Variants in KDM7A observed in about 807,000 individuals in gnomAD.
KDM7A encodes the protein lysine-specific demethylase 7A.
A neutral mutation model predicts 114.8 loss-of-function variants in KDM7A; 28 were observed. That is an observed-to-expected ratio of 0.24 (90% CI 0.18 to 0.33). The LOEUF (loss-of-function observed/expected upper bound fraction) is 0.33. Ranked by LOEUF, KDM7A falls within the 10% of genes least tolerant of loss-of-function variation. The pLI is 1.00. For synonymous variants in KDM7A, 423 were observed against 397.8 expected (o/e 1.06, Z -0.75); for missense variants, 942 against 1,142.5 (o/e 0.82, Z 2.53).
At position 140,095,144 on chromosome 7, in the gene KDM7A, A is replaced by G. The variant is rs564844603; in HGVS notation, c.2375-1006T>C. Reference sequence around the variant, plus strand: ...ATTACTGGCGTGAACCACTGCGCCCAGTGATCTAGAATCAAATTCCATGGC... The same window carrying G: ...ATTACTGGCGTGAACCACTGCGCCCGGTGATCTAGAATCAAATTCCATGGC... On this transcript the variant is annotated intron_variant, in intron 17 of 19. Coordinates refer to ENST00000397560, the MANE Select transcript of KDM7A (RefSeq NM_030647.2). Among the ~76,000 whole-genome samples, 7 of 152,324 alleles carry G rather than the reference A, an allele frequency of 4.6e-5. No individual in the cohort carries two copies. In the South Asian group the frequency reaches 1.4e-3, roughly 32 times the overall value.
chr7:140,103,475 C>T (rs967071851), intron 11 of KDM7A, among the ~76,000 whole-genome samples: 7 of 151,028 alleles, frequency 4.6e-5, no homozygotes, highest in Admixed American at 2.7e-4. Flanking sequence ...CTCCAACCCA[C>T]GACAGGTCCC....
intron 9 of KDM7A, among the ~76,000 whole-genome samples, chr7:140,115,025 G>A (rs940397973): frequency 2.6e-5 from 4 of 151,072 alleles, no homozygotes; most frequent in Non-Finnish European, 4.4e-5. Flanking sequence ...CAGCCGCCCC[G>A]TCCAGGAGGT....
chr7:140,134,303 T>C (rs1818835085), intron 2 of KDM7A, among the ~76,000 whole-genome samples: 1 of 152,222 alleles, frequency 6.6e-6, no homozygotes, highest in East Asian at 1.9e-4. Flanking sequence ...GATTTGGATT[T>C]GATTCCTAGT....
chr7:140,175,293 G>C (rs1455141804), intron 1 of KDM7A, among the ~76,000 whole-genome samples: 1 of 152,154 alleles, frequency 6.6e-6, no homozygotes, highest in African/African-American at 2.4e-5. Flanking sequence ...GATTTACATG[G>C]TTTTCTCTCC....
intron 1 of KDM7A, among the ~76,000 whole-genome samples, chr7:140,169,607 C>T (rs1037409566): frequency 9.9e-5 from 15 of 152,108 alleles, no homozygotes; most frequent in Non-Finnish European, 1.9e-4. Context: ...CTCACTGCAA[C>T]CTCCGCCTCC....
intron 7 of KDM7A, among the ~76,000 whole-genome samples, chr7:140,122,673 C>T (rs1044990442): frequency 1.3e-5 from 2 of 152,222 alleles, no homozygotes; most frequent in Non-Finnish European, 2.9e-5. Flanking sequence ...ACAGTCTATA[C>T]TCTACATTCA....
At chr7:140,157,424 G>A (rs1156681282) in intron 1 of KDM7A, among the ~76,000 whole-genome samples, 1 of 152,220 alleles carries the variant, frequency 6.6e-6, no homozygotes, top group Non-Finnish European at 1.5e-5. Context: ...AGGCCGAGGT[G>A]GGAGGGTCGC....
At chr7:140,156,035 G>A (rs529672511) in intron 1 of KDM7A, among the ~76,000 whole-genome samples, 15 of 152,146 alleles carry the variant, frequency 9.9e-5, no homozygotes, top group South Asian at 4.1e-4. Flanking sequence ...TTAACACTTC[G>A]TTGCAACAGT....
In KDM7A at chr7:140,092,243, A is replaced by G. The variant is rs148484662; in HGVS notation, c.2458-166T>C. ...GACCACTCCTGCATGATGTCGTCTC[A>G]GTAGCTCTGAAGGACTCGGGTCTTT... On this transcript the variant is annotated intron_variant, in intron 18 of 19. Coordinates refer to ENST00000397560, the MANE Select transcript of KDM7A (RefSeq NM_030647.2). 7.0e-3 allele frequency: 4,544 copies of G among 644,786 alleles called. 20 individuals carry two copies. The highest frequency in any genetic ancestry group is 0.01 in the Non-Finnish European group (3,765 of 376,372). The allele number at this position is 644,786 out of a possible 1,614,324, so 39.9% of individuals were successfully genotyped here.
At chr7:140,122,923 TA>T (rs1448647645) in intron 7 of KDM7A, among the ~76,000 whole-genome samples, 28 of 152,214 alleles carry the variant, frequency 1.8e-4, no homozygotes, top group Non-Finnish European at 7.3e-5. Flanking sequence ...AGTGAGCAGA[TA>T]ACCCACAAAA....
Position 140,176,837 on chromosome 7 carries a change from G to A in KDM7A, c.101C>T (p.Pro34Leu). The A allele has an allele frequency of 1.5e-6, 2 of 1,334,360 alleles. No individual in the cohort carries two copies. Among genetic ancestry groups the A allele is most frequent in the Non-Finnish European group, 2.0e-6 (2 of 1,022,508 alleles). The allele number at this position is 1,334,360 out of a possible 1,614,324, so 82.7% of individuals were successfully genotyped here. A position where few individuals can be genotyped will look rare whatever the true frequency, so the allele number is the denominator to read the frequency against. ...AAPGRASAPP[P>L]PPPVYCVCRQ... is the part of the protein sequence containing the mutation. ...GCACACACAGTACACGGGCGGGGGC[G>A]GCGGAGGCGCCGAGGCCCGGCCGGG... is the stretch of plus-strand genomic sequence containing the variant. The change falls in exon 1 of 20, where the codon CCG becomes CTG. Residue 34 changes from proline to leucine, a missense_variant. Coordinates refer to ENST00000397560, the MANE Select transcript of KDM7A (RefSeq NM_030647.2). This position sits in a 1 kb window ranked among gnomAD's most constrained non-coding sequence, Gnocchi z 4.4.
intron 1 of KDM7A, among the ~76,000 whole-genome samples, chr7:140,148,995 T>C (rs993431307): frequency 4.6e-5 from 7 of 152,060 alleles, no homozygotes; most frequent in African/African-American, 1.7e-4. Flanking sequence ...TCTCTTAAGG[T>C]TCACTTATGG....
At chr7:140,107,892 G>A (rs1046120991) in intron 11 of KDM7A, among the ~76,000 whole-genome samples, 10 of 152,132 alleles carry the variant, frequency 6.6e-5, no homozygotes, top group African/African-American at 1.4e-4. Flanking sequence ...CATTCTCCCC[G>A]TCACTTTCAG....
At chr7:140,130,174 T>C (rs1199958824) in intron 3 of KDM7A, among the ~76,000 whole-genome samples, 1 of 152,210 alleles carries the variant, frequency 6.6e-6, no homozygotes, top group African/African-American at 2.4e-5. Flanking sequence ...TTTTAGTATG[T>C]AAACTACACT....
At chr7:140,122,431 G>A (rs534903038) in intron 7 of KDM7A, among the ~76,000 whole-genome samples, 3 of 151,732 alleles carry the variant, frequency 2.0e-5, no homozygotes, top group Non-Finnish European at 4.4e-5. Flanking sequence ...GAAGATTTAA[G>A]GGAGGGGCAT....
At chr7:140,157,846 G>A (rs1562959725) in intron 1 of KDM7A, among the ~76,000 whole-genome samples, 1 of 151,618 alleles carries the variant, frequency 6.6e-6, no homozygotes, top group Non-Finnish European at 1.5e-5. Flanking sequence ...GCACACGCCT[G>A]TAATCCCAGC....
At chr7:140,097,480 G>C in intron 15 of KDM7A, 65 bp downstream of exon 15, 1 of 870,556 alleles carries the variant, frequency 1.1e-6, no homozygotes, top group East Asian at 2.4e-5. Flanking sequence ...CTTGCTTCCA[G>C]GAGAAGTTAC....
intron 1 of KDM7A, among the ~76,000 whole-genome samples, chr7:140,169,129 CAT>C (rs1314408757): frequency 6.6e-6 from 1 of 152,118 alleles, no homozygotes; most frequent in Non-Finnish European, 1.5e-5. Context: ...AGGGCTCACA[CAT>C]ATAGACACGA....
chr7:140,127,666 T>TA, intron 4 of KDM7A, 83 bp from the exon 5 acceptor site: 1 of 1,160,866 alleles, frequency 8.6e-7, no homozygotes, highest in Non-Finnish European at 1.3e-6. Context: ...TTTAACTTGG[T>TA]ATGATAATTA....
Sources: gnomAD v4.1 joint callset for allele counts (sites outside exome capture counted in the v4.1 genomes callset) on GRCh38, gnomAD v4.1.1 for gene constraint, Gnocchi (gnomAD v3.1) non-coding constraint, MANE v1.5 for transcripts, NCBI Gene and HGNC (gene_info 2026-07-23, HGNC 2026-07-21) for gene names.